The following PCDHA3 variants were observed in gnomAD, a reference collection of about 807,000 sequenced individuals.
PCDHA3 encodes protocadherin alpha-3.
Under a neutral mutation model 62.2 loss-of-function variants are expected in PCDHA3, and 41 were observed. That is an observed-to-expected ratio of 0.66 (90% confidence interval 0.51 to 0.86). PCDHA3 has a LOEUF of 0.86. Ranked by LOEUF, PCDHA3 falls within the 40% of genes least tolerant of loss-of-function variation. The pLI is 0.00. For missense variants in PCDHA3, 1,304 were observed against 1,241.2 expected, an observed-to-expected ratio of 1.05 and a Z score of -0.76; for synonymous variants, 640 against 555.4, an observed-to-expected ratio of 1.15 and a Z score of -2.14.
intron 1 of PCDHA3, among the ~76,000 whole-genome samples, chr5:140,951,653 C>T (rs2094610729): frequency 6.6e-6 from 1 of 152,176 alleles, no homozygotes; most frequent in South Asian, 2.1e-4. Context: ...TCACCTCCCA[C>T]CAGGGCCTGC....
intron 1 of PCDHA3, among the ~76,000 whole-genome samples, chr5:140,820,722 A>T (rs2150107758): frequency 3.3e-5 from 5 of 152,090 alleles, no homozygotes; most frequent in African/African-American, 1.2e-4. Context: ...ATTTACTGGA[A>T]CCTAAACATT....
chr5:140,850,319 A>C (rs2150479368), intron 1 of PCDHA3: 1 of 1,597,562 alleles, frequency 6.3e-7, no homozygotes, highest in East Asian at 2.2e-5. Flanking sequence ...CGTGGCTTTC[A>C]TACGAGCTGC....
chr5:140,981,944 G>A (rs893119825), intron 2 of PCDHA3, among the ~76,000 whole-genome samples: 2 of 152,174 alleles, frequency 1.3e-5, no homozygotes, highest in Non-Finnish European at 2.9e-5. Flanking sequence ...GAAATATAGG[G>A]TGGGTCATCT....
At chr5:140,843,673 T>C (rs1779033196) in intron 1 of PCDHA3, 1 of 1,592,546 alleles carries the variant, frequency 6.3e-7, no homozygotes, top group South Asian at 1.1e-5. Flanking sequence ...GATCAGTTGA[T>C]GTAGGCGAAG....
chr5:140,805,374 G>C, intron 1 of PCDHA3: 1 of 1,139,186 alleles, frequency 8.8e-7, no homozygotes, highest in Non-Finnish European at 1.1e-6. Context: ...CCCACATAGT[G>C]AAAGTACTCT....
intron 1 of PCDHA3, 171 bp downstream of exon 1, chr5:140,803,762 T>G (rs1562195951): frequency 5.2e-6 from 6 of 1,158,102 alleles, no homozygotes; most frequent in Non-Finnish European, 6.0e-6. Context: ...TTGCTAATTT[T>G]TGAACCAAAT....
chr5:140,851,932 TGTA>T lies in PCDHA3; in HGVS notation c.2394+48345_2394+48347del. ...TCACTACATGTTATGTTTCCTGAAT[TGTA>T]GTATGTGACTTTCAAAATGGTGGTT... On this transcript the variant is annotated intron_variant, in intron 1 of 3. Transcript: ENST00000522353. 5.2e-6 allele frequency: 5 copies of T among 965,638 alleles called. 1 individual carries two copies. The highest frequency in any genetic ancestry group is 5.0e-6 in the Non-Finnish European group (4 of 798,866). The allele number at this position is 965,638 out of a possible 1,614,324, so 59.8% of individuals were successfully genotyped here. A position where few individuals can be genotyped will look rare whatever the true frequency, so the allele number is the denominator to read the frequency against.
chr5:140,954,433 T>C (rs1554221415), intron 1 of PCDHA3, among the ~76,000 whole-genome samples: 2 of 151,820 alleles, frequency 1.3e-5, no homozygotes, highest in African/African-American at 4.8e-5. Flanking sequence ...TCTCCATCTG[T>C]TGTTTCTGGA....
At chr5:140,897,339 C>G (rs1373496877) in intron 1 of PCDHA3, among the ~76,000 whole-genome samples, 14 of 121,352 alleles carry the variant, frequency 1.2e-4, no homozygotes, top group African/African-American at 4.4e-4. Context: ...CCCCCTCCCC[C>G]CACCCCACAA....
intron 1 of PCDHA3, among the ~76,000 whole-genome samples, chr5:140,855,081 C>T (rs868991206): frequency 6.7e-6 from 1 of 149,844 alleles, no homozygotes; most frequent in Non-Finnish European, 1.5e-5. Context: ...GAAACCACCA[C>T]TCTCAGCCTG....
chr5:140,975,811 A>G (rs2096684538), intron 1 of PCDHA3, among the ~76,000 whole-genome samples: 3 of 134,728 alleles, frequency 2.2e-5, no homozygotes, highest in Non-Finnish European at 5.2e-5. Context: ...TATAATTTTA[A>G]TAGGAACTGA....
At chr5:140,851,062 AGTGAGAATTATAAACT>A in intron 1 of PCDHA3, 1 of 1,372,160 alleles carries the variant, frequency 7.3e-7, no homozygotes, top group Non-Finnish European at 9.6e-7. Context: ...CTTGACTTCT[AGTGAGAATTATAAACT>A]GTATATTAAA....
chr5:140,973,105 G>C (rs1166565820), intron 1 of PCDHA3, among the ~76,000 whole-genome samples: 1 of 152,180 alleles, frequency 6.6e-6, no homozygotes, highest in Non-Finnish European at 1.5e-5. Flanking sequence ...AATTATGAAA[G>C]AGTAGCAGAG....
chr5:141,005,701 CAAAAAAAAAAAAA>C (rs59860837), intron 3 of PCDHA3, among the ~76,000 whole-genome samples: 12 of 7,786 alleles, frequency 1.5e-3, no homozygotes, highest in Non-Finnish European at 2.7e-3. Context: ...AACTCCGTCT[CAAAAAAAAAAAAA>C]AAAAAAAAAA....
At chr5:140,967,072 C>T in intron 1 of PCDHA3, 1 of 1,613,106 alleles carries the variant, frequency 6.2e-7, no homozygotes, top group Non-Finnish European at 8.5e-7. Flanking sequence ...TCTTCGTCAA[C>T]GAGCGCATTG....
At chr5:140,804,834 T>C (rs1023303895) in intron 1 of PCDHA3, 7 of 415,932 alleles carry the variant, frequency 1.7e-5, no homozygotes, top group Non-Finnish European at 3.0e-5. Flanking sequence ...TAATACTCAT[T>C]GACAGTGTGG....
intron 1 of PCDHA3, among the ~76,000 whole-genome samples, chr5:140,909,299 T>G (rs561949225): frequency 6.6e-6 from 1 of 152,320 alleles, no homozygotes; most frequent in Non-Finnish European, 1.5e-5. Flanking sequence ...TGGACAGGAA[T>G]GGAGAAAAAG....
chr5:140,883,701 C>T (rs782806604), intron 1 of PCDHA3: 1 of 1,613,808 alleles, frequency 6.2e-7, no homozygotes, highest in Admixed American at 1.7e-5. Flanking sequence ...TTCACGGTGT[C>T]TGCTCAGGAC....
At chr5:140,928,800 A>G (rs782641676) in intron 1 of PCDHA3, 6 of 1,614,098 alleles carry the variant, frequency 3.7e-6, no homozygotes, top group Non-Finnish European at 4.2e-6. Flanking sequence ...GGGTGGTGGT[A>G]GTGGTTCGGG....
Sources: gnomAD v4.1 joint callset for allele counts (sites outside exome capture counted in the v4.1 genomes callset) on GRCh38, gnomAD v4.1.1 for gene constraint, MANE v1.5 for transcripts, NCBI Gene and HGNC (gene_info 2026-07-23, HGNC 2026-07-21) for gene names.